Variants in PRKCB observed in about 807,000 individuals in gnomAD.
PRKCB encodes the protein protein kinase C beta type.
PRKCB carries 13 observed loss-of-function variants against 81.5 expected under a neutral mutation model. That is an observed-to-expected ratio of 0.16 (90% CI 0.10 to 0.25). The LOEUF is 0.25. PRKCB is among the 10% of genes least tolerant of loss of function. PRKCB has a pLI of 1.00. For synonymous variants in PRKCB, 335 were observed against 321.4 expected (o/e 1.04, Z -0.45); for missense variants, 509 against 875.7 (o/e 0.58, Z 5.29).
intron 12 of PRKCB, chr16:24,174,923 G>A (rs908246383): frequency 3.9e-5 from 9 of 230,882 alleles, no homozygotes; most frequent in South Asian, 3.5e-4. Context: ...AAGAATTTTG[G>A]CTGGCAGAAT....
chr16:23,836,202 G>A lies in PRKCB; in HGVS notation c.27G>A (p.Pro9=). Residue 9 remains proline, a synonymous_variant, in exon 1 of 17, where the codon CCG becomes CCA. Transcript: ENST00000643927. MADPAAGP[P]PSEGEESTVR... is the part of the protein sequence containing the mutation. ...TGGCTGACCCGGCTGCGGGGCCGCC[G>A]CCGAGCGAGGGCGAGGAGAGCACCG... The A allele has an allele frequency of 1.3e-6, 2 of 1,570,880 alleles. No individual in the cohort carries two copies. The highest frequency in any genetic ancestry group is 1.1e-5 in the South Asian group (1 of 87,640).
intron 3 of PRKCB, among the ~76,000 whole-genome samples, chr16:23,992,923 C>T (rs1263788880): frequency 2.0e-5 from 3 of 152,050 alleles, no homozygotes; most frequent in Non-Finnish European, 4.4e-5. Context: ...TGGAAGTGGC[C>T]TCCTTACCTC....
At chr16:24,030,950 G>A (rs972560787) in intron 3 of PRKCB, among the ~76,000 whole-genome samples, 11 of 150,234 alleles carry the variant, frequency 7.3e-5, no homozygotes, top group African/African-American at 2.7e-4. Context: ...TGTAGTCCCA[G>A]CTACTCAAGA....
chr16:23,887,072 T>TTC (rs1963214897), intron 2 of PRKCB, among the ~76,000 whole-genome samples: 1 of 152,216 alleles, frequency 6.6e-6, no homozygotes, highest in African/African-American at 2.4e-5. Flanking sequence ...CCTTCTTTCT[T>TTC]TCTCTCTCTT....
chr16:24,018,617 T>C lies in PRKCB; in HGVS notation c.289-13519T>C, dbSNP rs1965317270. Among the ~76,000 whole-genome samples the C allele has an allele frequency of 3.3e-5, 5 of 152,248 alleles. No homozygotes were observed. In the South Asian group the frequency reaches 1.0e-3, roughly 31 times the overall value. On this transcript the variant is annotated intron_variant, in intron 3 of 16. Coordinates refer to ENST00000643927, the MANE Select transcript of PRKCB (RefSeq NM_002738.7). ...GCAGATCTTAACCCAGGAAATGGTA[T>C]TTTAAATTCTGCCAAAGTTTATACA...
intron 9 of PRKCB, among the ~76,000 whole-genome samples, chr16:24,129,706 C>T (rs376403901): frequency 2.4e-4 from 31 of 131,762 alleles, no homozygotes; most frequent in African/African-American, 7.7e-4. Context: ...CATCTGTCTA[C>T]GTATCATCAA....
intron 2 of PRKCB, among the ~76,000 whole-genome samples, chr16:23,885,971 T>G (rs1170770771): frequency 6.6e-6 from 1 of 152,224 alleles, no homozygotes; most frequent in Admixed American, 6.5e-5. Context: ...CAACAAACTT[T>G]CATTGATTGA....
intron 5 of PRKCB, among the ~76,000 whole-genome samples, chr16:24,077,705 C>T (rs1338026892): frequency 2.6e-5 from 4 of 152,164 alleles, no homozygotes; most frequent in Non-Finnish European, 5.9e-5. Context: ...TGCTGGGACC[C>T]CTTCTAACAG....
At chr16:23,942,365 G>A (rs1210444539) in intron 2 of PRKCB, among the ~76,000 whole-genome samples, 2 of 152,212 alleles carry the variant, frequency 1.3e-5, no homozygotes, top group East Asian at 1.9e-4. Flanking sequence ...GTGATAGAGC[G>A]TGGGCATAAT....
At chr16:23,890,837 T>C (rs941027581) in intron 2 of PRKCB, among the ~76,000 whole-genome samples, 1 of 152,120 alleles carries the variant, frequency 6.6e-6, no homozygotes, top group Admixed American at 6.5e-5. Flanking sequence ...TTATTGCTGC[T>C]TCCTGGAGAT....
At chr16:24,193,988 A>C (rs2141981864) in intron 16 of PRKCB, among the ~76,000 whole-genome samples, 1 of 152,236 alleles carries the variant, frequency 6.6e-6, no homozygotes, top group Middle Eastern at 3.4e-3. Context: ...CTGTGTAGTA[A>C]GGGCTTAGTG....
intron 7 of PRKCB, among the ~76,000 whole-genome samples, chr16:24,103,070 A>G (rs1211346013): frequency 6.6e-6 from 1 of 152,136 alleles, no homozygotes; most frequent in East Asian, 1.9e-4. Flanking sequence ...ACAAGGTTTC[A>G]CCATGTTGGC....
At chr16:23,928,787 C>T (rs1224695309) in intron 2 of PRKCB, among the ~76,000 whole-genome samples, 2 of 151,794 alleles carry the variant, frequency 1.3e-5, no homozygotes, top group Non-Finnish European at 2.9e-5. Context: ...GGCATGATCT[C>T]GGCTCACTGC....
At chr16:24,193,670 G>A (rs1478747221) in intron 16 of PRKCB, among the ~76,000 whole-genome samples, 1 of 151,992 alleles carries the variant, frequency 6.6e-6, no homozygotes, top group Non-Finnish European at 1.5e-5. Flanking sequence ...TCAGGGCATG[G>A]GGTGATGGCT....
At chr16:23,882,702 T>C (rs1439142507) in intron 2 of PRKCB, among the ~76,000 whole-genome samples, 1 of 152,000 alleles carries the variant, frequency 6.6e-6, no homozygotes, top group Admixed American at 6.6e-5. Flanking sequence ...TGCTTTCACC[T>C]CTTGGCTATT....
At chr16:24,114,868 G>A (rs943693286) in intron 8 of PRKCB, among the ~76,000 whole-genome samples, 1 of 151,216 alleles carries the variant, frequency 6.6e-6, no homozygotes, top group Non-Finnish European at 1.5e-5. Flanking sequence ...AAAAAAAAAC[G>A]TGTAAAGACC....
chr16:23,864,362 C>T (rs11862363), intron 2 of PRKCB, among the ~76,000 whole-genome samples: 84,391 of 151,962 alleles, frequency 0.56, 23,689 homozygotes, highest in Admixed American at 0.63. Flanking sequence ...GAAGCTGAGA[C>T]GGGAGGATCA....
At chr16:23,915,668 G>A (rs1172649333) in intron 2 of PRKCB, among the ~76,000 whole-genome samples, 7 of 114,398 alleles carry the variant, frequency 6.1e-5, no homozygotes, top group African/African-American at 2.3e-4. Context: ...TTCCAGCCTG[G>A]GCAAGAGTGA....
rs34855077 is a variant in PRKCB at position 24,147,306 on chromosome 16, C to CAA, written c.1066-7363_1066-7362dup. On this transcript the variant is annotated intron_variant, in intron 9 of 16. Transcript: ENST00000643927. ...CTGGGCAACAGAGGAGACTCTGTCT[C>CAA]AAAAAAAAAAAAAAAACTTCACAGC... Among the ~76,000 whole-genome samples, 25 of 114,868 alleles carry CAA rather than the reference C, an allele frequency of 2.2e-4. 3 individuals carry two copies. The highest frequency in any genetic ancestry group is 3.0e-4 in the South Asian group (1 of 3,316). The allele number at this position is 114,868 out of a possible 152,430, so 75.4% of individuals were successfully genotyped here.
Sources: gnomAD v4.1 joint callset for allele counts (sites outside exome capture counted in the v4.1 genomes callset) on GRCh38, gnomAD v4.1.1 for gene constraint, MANE v1.5 for transcripts, NCBI Gene and HGNC (gene_info 2026-07-23, HGNC 2026-07-21) for gene names.